Variants in NEK1 observed in about 807,000 individuals in gnomAD.
NEK1 encodes the protein serine/threonine-protein kinase Nek1.
In NEK1, 137 loss-of-function variants were observed where a neutral mutation model predicts 182.1. The observed-to-expected ratio is 0.75, with a 90% CI of 0.65 to 0.87. The LOEUF (loss-of-function observed/expected upper bound fraction) is 0.87. NEK1 is among the 40% of genes least tolerant of loss of function. The probability of loss-of-function intolerance (pLI) is 0.00; values close to 1 mark genes in which losing one functional copy is unlikely to be tolerated. For missense variants in NEK1, 1,391 were observed against 1,494.4 expected, an observed-to-expected ratio of 0.93 and a Z score of 1.14; for synonymous variants, 513 against 492.2, an observed-to-expected ratio of 1.04 and a Z score of -0.56.
At chr4:169,608,953 C>T (rs1560803044) in intron 2 of NEK1, among the ~76,000 whole-genome samples, 4 of 150,056 alleles carry the variant, frequency 2.7e-5, no homozygotes, top group South Asian at 2.1e-4. Context: ...CCCAGCTACT[C>T]GGGAGGCTGA....
intron 19 of NEK1, among the ~76,000 whole-genome samples, chr4:169,536,883 C>T (rs998691782): frequency 9.9e-5 from 15 of 152,016 alleles, no homozygotes; most frequent in East Asian, 3.8e-4. Context: ...AGATTAATTC[C>T]GGATGTAGAA....
At position 169,394,503 on chromosome 4, in the gene NEK1, T is replaced by C; in HGVS notation, c.*7A>G. The C allele has an allele frequency of 7.1e-7, 1 of 1,407,964 alleles. No individual in the cohort carries two copies. Among genetic ancestry groups the C allele is most frequent in the Non-Finnish European group, 9.8e-7 (1 of 1,016,588 alleles). 87.2% of individuals were successfully genotyped at this position (1,407,964 alleles called of 1,614,324 possible). A position where few individuals can be genotyped will look rare whatever the true frequency, so the allele number is the denominator to read the frequency against. ...ATATAGTTGAGGATTAAAAAACATT[T>C]TGAGGATTATTCATCATTATCTGTA... On this transcript the variant is annotated 3_prime_UTR_variant, in exon 36 of 36. Transcript: ENST00000507142.
chr4:169,397,551 G>A (rs1387353673), intron 35 of NEK1, among the ~76,000 whole-genome samples: 3 of 152,216 alleles, frequency 2.0e-5, no homozygotes, highest in East Asian at 1.9e-4. Context: ...GATTGCCAGG[G>A]TAGGCATCTT....
chr4:169,595,494 T>C (rs764324799), intron 5 of NEK1, among the ~76,000 whole-genome samples: 15 of 152,318 alleles, frequency 9.8e-5, no homozygotes, highest in Non-Finnish European at 2.1e-4. Context: ...TTTTCATGGG[T>C]TCGATAAGAA....
chr4:169,523,907 AG>A (rs1756488754), intron 19 of NEK1, among the ~76,000 whole-genome samples: 1 of 152,230 alleles, frequency 6.6e-6, no homozygotes, highest in South Asian at 2.1e-4. Context: ...ACATTTTGTA[AG>A]GTAGGTTTTC....
chr4:169,590,233 G>A (rs902197268), intron 6 of NEK1, among the ~76,000 whole-genome samples: 1 of 152,140 alleles, frequency 6.6e-6, no homozygotes, highest in Admixed American at 6.5e-5. Context: ...GCTTGAACCT[G>A]GGAGGCGGAG....
Position 169,555,994 on chromosome 4 carries a change from T to C in NEK1, c.1368A>G (p.Gln456=). Residue 456 remains glutamine, a synonymous_variant, in exon 17 of 36, where the codon CAA becomes CAG. Coordinates refer to ENST00000507142, the MANE Select transcript of NEK1 (RefSeq NM_001199397.3). Reference sequence around the variant, plus strand: ...ATTTAGCTTCATTATCTTCTGCTCTTTGTTGCTGCATTTGGTCAAAAATGG... The same window carrying C: ...ATTTAGCTTCATTATCTTCTGCTCTCTGTTGCTGCATTTGGTCAAAAATGG... ...YHAIFDQMQQ[Q]RAEDNEAKWK... is the part of the protein sequence containing the mutation. The C allele has an allele frequency of 6.2e-7, 1 of 1,613,742 alleles. No homozygotes were observed. The highest frequency in any genetic ancestry group is 8.5e-7 in the Non-Finnish European group (1 of 1,179,808).
chr4:169,507,273 A>ACACC, intron 22 of NEK1, 141 bp from the exon 23 acceptor site: 1 of 530,670 alleles, frequency 1.9e-6, no homozygotes, highest in Non-Finnish European at 3.1e-6. Flanking sequence ...ATAAAAATGT[A>ACACC]AGCTCACTCT....
chr4:169,508,681 T>C (rs954216920), intron 20 of NEK1, 88 bp downstream of exon 20: 1 of 998,680 alleles, frequency 1.0e-6, no homozygotes, highest in East Asian at 2.7e-5. Flanking sequence ...TTCAAATAAT[T>C]GTTAAGAATT....
intron 18 of NEK1, among the ~76,000 whole-genome samples, chr4:169,539,041 G>A (rs919195913): frequency 2.0e-5 from 3 of 152,052 alleles, no homozygotes; most frequent in Admixed American, 6.6e-5. Flanking sequence ...AGATTCTTAC[G>A]AAATTTCCAT....
chr4:169,539,813 T>C (rs1426545851), intron 18 of NEK1, among the ~76,000 whole-genome samples: 5 of 152,114 alleles, frequency 3.3e-5, no homozygotes, highest in South Asian at 2.1e-4. Flanking sequence ...CTCTCTGCTG[T>C]GTATCCTGAT....
In NEK1 at chr4:169,588,736, C is replaced by T. The variant is rs903205151; in HGVS notation, c.465-1G>A. 6.5e-7 allele frequency: 1 copy of T among 1,532,472 alleles called. No homozygotes were observed. Among genetic ancestry groups the T allele is most frequent in the Non-Finnish European group, 8.9e-7 (1 of 1,129,884 alleles). 94.9% of individuals were successfully genotyped at this position (1,532,472 alleles called of 1,614,324 possible). A position where few individuals can be genotyped will look rare whatever the true frequency, so the allele number is the denominator to read the frequency against. On this transcript the variant is annotated splice_acceptor_variant, in intron 7 of 35. Transcript: ENST00000507142. LOFTEE classifies it high-confidence loss of function. ...GCAAGTTCGAGCCAGCTCTACAGTA[C>T]TAGAAGAAAAATAAAATTATTGGAG...
rs761474569 is a variant in NEK1, at chr4:169,561,694, T to C, written c.1184A>G (p.Lys395Arg). 6 of 1,566,016 alleles carry C rather than the reference T, an allele frequency of 3.8e-6. No individual in the cohort carries two copies. In the South Asian group the frequency reaches 5.8e-5, roughly 15 times the overall value. The change falls in exon 15 of 36, where the codon AAG becomes AGG. Residue 395 changes from lysine (K) to arginine (R), a missense_variant. Transcript: ENST00000507142. ...AATAGATTATCCTCTTACCCTTTCC[T>C]TTTCTTGCCTTTTCATTTGTTCAGC... Reference protein sequence around the residue: ...MKAEQMKRQEKERLERINRAR... With the variant: ...MKAEQMKRQERERLERINRAR...
intron 33 of NEK1, 34 bp from the exon 34 acceptor site, chr4:169,400,685 A>C: frequency 6.7e-7 from 1 of 1,491,292 alleles, no homozygotes; most frequent in Non-Finnish European, 9.1e-7. Flanking sequence ...GATTTGATTT[A>C]AAAAGACTGA....
chr4:169,457,866 T>C (rs530502920), intron 27 of NEK1, among the ~76,000 whole-genome samples: 1 of 151,752 alleles, frequency 6.6e-6, no homozygotes, highest in East Asian at 1.9e-4. Context: ...AAGCTACATA[T>C]TAAAAAGATA....
chr4:169,522,091 A>G (rs928413125), intron 19 of NEK1, among the ~76,000 whole-genome samples: 12 of 152,194 alleles, frequency 7.9e-5, no homozygotes, highest in African/African-American at 2.7e-4. Context: ...TCAGATAGAG[A>G]ACTGAACTGG....
intron 23 of NEK1, 134 bp from the exon 24 acceptor site, chr4:169,479,668 C>G (rs1017475227): frequency 7.0e-6 from 5 of 715,860 alleles, no homozygotes; most frequent in Non-Finnish European, 1.1e-5. Flanking sequence ...ATCTGTTGAG[C>G]AAGGCATTAT....
intron 19 of NEK1, among the ~76,000 whole-genome samples, chr4:169,510,974 C>T (rs1267253034): frequency 2.0e-5 from 3 of 152,128 alleles, no homozygotes. Flanking sequence ...CACAGTAGCA[C>T]TCATTAGAGT....
intron 12 of NEK1, among the ~76,000 whole-genome samples, chr4:169,575,670 G>T (rs1252795110): frequency 6.6e-6 from 1 of 152,174 alleles, no homozygotes; most frequent in Non-Finnish European, 1.5e-5. Context: ...ACATTCTACT[G>T]ACACTCCAGG....
Sources: gnomAD v4.1 joint callset for allele counts (sites outside exome capture counted in the v4.1 genomes callset) on GRCh38, gnomAD v4.1.1 for gene constraint, MANE v1.5 for transcripts, NCBI Gene and HGNC (gene_info 2026-07-23, HGNC 2026-07-21) for gene names.